MAP4K4: variants seen among roughly 807,000 people sequenced by gnomAD.
The protein encoded by MAP4K4 is HPK/GCK-like kinase HGK.
In MAP4K4, 38 loss-of-function variants were observed where a neutral mutation model predicts 189.6. The ratio of observed to expected loss-of-function variants is 0.20; its 90% CI spans 0.15 to 0.26. The LOEUF (loss-of-function observed/expected upper bound fraction) is 0.26, where lower values mean the gene tolerates loss of function less well. Among genes scored for constraint, MAP4K4 ranks in the 10% least tolerant of loss-of-function variants. The probability of loss-of-function intolerance (pLI) is 1.00; values close to 1 mark genes in which losing one functional copy is unlikely to be tolerated. For synonymous variants in MAP4K4, 610 were observed against 624.3 expected (o/e 0.98, Z 0.34); for missense variants, 1,054 against 1,726.9 (o/e 0.61, Z 6.91).
At chr2:101,867,643 A>G (rs2097854644) in intron 20 of MAP4K4, 1 of 341,132 alleles carries the variant, frequency 2.9e-6, no homozygotes, top group South Asian at 6.9e-5. Flanking sequence ...TAAAAAAAAT[A>G]CAAAAGAAAG....
intron 2 of MAP4K4, among the ~76,000 whole-genome samples, chr2:101,758,242 A>G (rs1451376225): frequency 6.6e-6 from 1 of 152,212 alleles, no homozygotes; most frequent in Non-Finnish European, 1.5e-5. Flanking sequence ...TTGGAAGATG[A>G]CAGAGCAAAA....
At chr2:101,888,684 TA>T in intron 31 of MAP4K4, 111 bp from the exon 32 acceptor site, 1 of 804,400 alleles carries the variant, frequency 1.2e-6, no homozygotes, top group South Asian at 4.1e-5. Context: ...ATTTAAATTT[TA>T]AATTTTAAAA....
intron 2 of MAP4K4, among the ~76,000 whole-genome samples, chr2:101,735,899 A>T (rs62155725): frequency 1.3e-5 from 2 of 152,118 alleles, no homozygotes; most frequent in Non-Finnish European, 2.9e-5. Context: ...GGTTGCTGAC[A>T]GATACTCTCA....
chr2:101,851,488 A>T (rs1261239303), intron 12 of MAP4K4, among the ~76,000 whole-genome samples: 2 of 152,070 alleles, frequency 1.3e-5, no homozygotes, highest in African/African-American at 2.4e-5. Flanking sequence ...TCAGTTTTTG[A>T]TATTTTCTTT....
chr2:101,884,219 T>A (rs1405098184), intron 28 of MAP4K4, among the ~76,000 whole-genome samples: 2 of 152,208 alleles, frequency 1.3e-5, no homozygotes, highest in Non-Finnish European at 2.9e-5. Context: ...TTTAAATGTA[T>A]ATTAAATTAA....
At chr2:101,835,202 A>G (rs2096713280) in intron 8 of MAP4K4, among the ~76,000 whole-genome samples, 1 of 152,240 alleles carries the variant, frequency 6.6e-6, no homozygotes, top group Admixed American at 6.5e-5. Flanking sequence ...TAAGGCAGGG[A>G]AGTACCACCT....
chr2:101,846,656 G>C (rs994441637), intron 12 of MAP4K4, among the ~76,000 whole-genome samples: 1 of 152,174 alleles, frequency 6.6e-6, no homozygotes, highest in Non-Finnish European at 1.5e-5. Context: ...GAATGTCTGT[G>C]AAAACAACAA....
chr2:101,811,971 T>C (rs115184308), intron 3 of MAP4K4, among the ~76,000 whole-genome samples: 1,637 of 152,310 alleles, frequency 0.011, 39 homozygotes, highest in African/African-American at 0.037. Flanking sequence ...GTGTAATTTT[T>C]ACTGATTTAA....
At chr2:101,825,793 A>T (rs1451915829) in intron 5 of MAP4K4, among the ~76,000 whole-genome samples, 3 of 152,226 alleles carry the variant, frequency 2.0e-5, no homozygotes, top group Non-Finnish European at 4.4e-5. Context: ...TTATAAATCA[A>T]TACTAATGGT....
At chr2:101,790,907 T>C in intron 3 of MAP4K4, 131 bp downstream of exon 3, 4 of 779,538 alleles carry the variant, frequency 5.1e-6, no homozygotes, top group Non-Finnish European at 8.7e-6. Flanking sequence ...ACATTGTGGG[T>C]TCATAGGTCC....
chr2:101,790,004 A>T (rs1412465088), intron 2 of MAP4K4, among the ~76,000 whole-genome samples: 1 of 152,178 alleles, frequency 6.6e-6, no homozygotes, highest in African/African-American at 2.4e-5. Flanking sequence ...CTTAAAAAAA[A>T]TCCCAGAATT....
Position 101,873,699 on chromosome 2 carries a change from C to T in MAP4K4, c.3005C>T (p.Thr1002Ile). 6.2e-7 allele frequency: 1 copy of T among 1,613,262 alleles called. No homozygotes were observed. Among genetic ancestry groups the T allele is most frequent in the Non-Finnish European group, 8.5e-7 (1 of 1,179,302 alleles). ...AAACACAAATCTTCCTCCTCCTTTA[C>T]ACCTTTTATAGACCCCAGATTACTA... The change falls in exon 25 of 33, where the codon ACA becomes ATA. Residue 1002 changes from threonine (T) to isoleucine (I), a missense_variant. Physicochemically the swap from Thr to Ile is moderately conservative, Grantham distance 89. Around this residue, in one of 4 missense-constraint regions of MAP4K4, gnomAD observed 646 missense variants for 796.2 expected, o/e 0.81. Coordinates refer to ENST00000324219, the Ensembl canonical transcript of MAP4K4.
chr2:101,877,789 A>G (rs979520642), intron 27 of MAP4K4, among the ~76,000 whole-genome samples: 3 of 147,648 alleles, frequency 2.0e-5, no homozygotes, highest in Non-Finnish European at 3.0e-5. Context: ...TCACTCTGTC[A>G]CCCAGGCTGG....
rs561301466 is a variant in MAP4K4 at position 101,706,014 on chromosome 2, CTTTTACATTATAACT to C, written c.123+7479_123+7493del. Reference sequence around the variant, plus strand: ...TTAAATAAATGAAAGAAAAACCCCACTTTTACATTATAACTTTAAAAAATCCTTCATATGATAAAT... The same window carrying C: ...TTAAATAAATGAAAGAAAAACCCCACTTAAAAAATCCTTCATATGATAAAT... On this transcript the variant is annotated intron_variant, in intron 2 of 32. Transcript: ENST00000324219. Among the ~76,000 whole-genome samples, 205 of 152,280 alleles carry C rather than the reference CTTTTACATTATAACT, an allele frequency of 1.3e-3. 3 individuals carry two copies. The South Asian group carries it at 0.021, about 16-fold the overall frequency.
At chr2:101,858,818 T>C (rs2097552967) in intron 13 of MAP4K4, among the ~76,000 whole-genome samples, 178 bp from the exon 14 acceptor site, 1 of 152,232 alleles carries the variant, frequency 6.6e-6, no homozygotes, top group Admixed American at 6.5e-5. Context: ...CCTTAGGTCT[T>C]ACTGGCCAAT....
At chr2:101,869,524 A>G (rs1425959023) in intron 21 of MAP4K4, 98 bp from the exon 22 acceptor site, 2 of 934,406 alleles carry the variant, frequency 2.1e-6, no homozygotes, top group African/African-American at 1.7e-5. Context: ...AAGTCTTACA[A>G]AACTGACATT....
intron 2 of MAP4K4, among the ~76,000 whole-genome samples, chr2:101,750,674 AG>A (rs1170624698): frequency 6.6e-6 from 1 of 151,780 alleles, no homozygotes; most frequent in Non-Finnish European, 1.5e-5. Context: ...AAAAAAAAAA[AG>A]TTAGCCAGGC....
chr2:101,709,678 C>A (rs2044337657), intron 2 of MAP4K4, among the ~76,000 whole-genome samples: 1 of 151,986 alleles, frequency 6.6e-6, no homozygotes, highest in African/African-American at 2.4e-5. Flanking sequence ...TGCTAGACTG[C>A]AGTTTTCCTT....
intron 2 of MAP4K4, among the ~76,000 whole-genome samples, chr2:101,746,652 C>G (rs2065736829): frequency 6.6e-6 from 1 of 152,074 alleles, no homozygotes; most frequent in Non-Finnish European, 1.5e-5. Context: ...GTGTGTTTAA[C>G]TGTAAATATT....
Sources: allele counts gnomAD v4.1 joint callset (sites outside exome capture counted in the v4.1 genomes callset), GRCh38; gene constraint gnomAD v4.1.1; regional missense constraint gnomAD v4.1.1; transcripts MANE v1.5; gene names NCBI Gene and HGNC (gene_info 2026-07-23, HGNC 2026-07-21).